The following THRB variants were observed in gnomAD, a reference collection of about 807,000 sequenced individuals.
THRB encodes the protein thyroid hormone receptor beta.
A neutral mutation model predicts 47.8 loss-of-function variants in THRB; 12 were observed. The observed-to-expected ratio is 0.25, with a 90% CI of 0.16 to 0.41. The LOEUF is 0.41. THRB is among the 10% of genes least tolerant of loss of function. The probability of loss-of-function intolerance (pLI) is 1.00; values close to 1 mark genes in which losing one functional copy is unlikely to be tolerated. For synonymous variants in THRB, 218 were observed against 212.2 expected (o/e 1.03, Z -0.24); for missense variants, 348 against 589.2 (o/e 0.59, Z 4.24).
chr3:24,492,243 T>A (rs1394204120), intron 1 of THRB, among the ~76,000 whole-genome samples: 1 of 152,148 alleles, frequency 6.6e-6, no homozygotes. Flanking sequence ...AGTGAGGCAG[T>A]CAAGAGTCCT....
intron 5 of THRB, among the ~76,000 whole-genome samples, chr3:24,178,358 T>C (rs1328760326): frequency 2.6e-5 from 4 of 152,160 alleles, no homozygotes; most frequent in African/African-American, 9.7e-5. Flanking sequence ...CTGGGTGCGG[T>C]GGCTCATGCC....
rs1278469054 is a variant in THRB at position 24,143,611 on chromosome 3, GC to G, written c.627del (p.His210ThrfsTer46). 1 of 1,614,064 alleles carries G rather than the reference GC, an allele frequency of 6.2e-7. No individual in the cohort carries two copies. The highest frequency in any genetic ancestry group is 1.3e-5 in the African/African-American group (1 of 74,924). On this transcript the variant is annotated frameshift_variant, in exon 8 of 11. Transcript: ENST00000646209. LOFTEE classifies it high-confidence loss of function. ...TCCTCGTCTGTGGGCTCTGGCTTGT[GC>G]CCGATGGACTTCTGCAGCTCTTCCC... Reference protein sequence around the residue: ...RRREELQKSIGHKPEPTDEEW... With the variant: ...RRREELQKSIXHKPEPTDEEW...
At chr3:24,188,984 G>A (rs2042997664) in intron 5 of THRB, among the ~76,000 whole-genome samples, 1 of 150,270 alleles carries the variant, frequency 6.7e-6, no homozygotes, top group African/African-American at 2.5e-5. Context: ...TATTACTTTT[G>A]AATAACTCTA....
intron 3 of THRB, among the ~76,000 whole-genome samples, chr3:24,259,222 G>T (rs1283979126): frequency 6.6e-6 from 1 of 152,124 alleles, no homozygotes; most frequent in Non-Finnish European, 1.5e-5. Context: ...AAGACAAGCT[G>T]GCCAAGTTGA....
intron 1 of THRB, among the ~76,000 whole-genome samples, chr3:24,381,855 G>T (rs2065739145): frequency 6.6e-6 from 1 of 151,886 alleles, no homozygotes; most frequent in South Asian, 2.1e-4. Flanking sequence ...TAAAAGTCAA[G>T]TATGATTTAC....
intron 4 of THRB, among the ~76,000 whole-genome samples, chr3:24,203,831 C>T (rs1575835579): frequency 6.6e-6 from 1 of 152,346 alleles, no homozygotes; most frequent in East Asian, 1.9e-4. Flanking sequence ...TTCCAATGGC[C>T]TTAGCAAACG....
At chr3:24,487,505 G>A (rs752469357) in intron 1 of THRB, among the ~76,000 whole-genome samples, 1 of 152,080 alleles carries the variant, frequency 6.6e-6, no homozygotes, top group Non-Finnish European at 1.5e-5. Context: ...ACATAATTGA[G>A]CCTAGAGTAA....
chr3:24,228,474 A>G (rs923864449), intron 4 of THRB, among the ~76,000 whole-genome samples: 2 of 152,068 alleles, frequency 1.3e-5, no homozygotes, highest in Admixed American at 1.3e-4. Flanking sequence ...AATGACTGTA[A>G]GAAGTAAACA....
chr3:24,370,560 G>C (rs1463079528), intron 1 of THRB, among the ~76,000 whole-genome samples: 1 of 152,114 alleles, frequency 6.6e-6, no homozygotes, highest in Non-Finnish European at 1.5e-5. Context: ...ATCATCTATG[G>C]AGTGACTTCC....
chr3:24,312,763 G>C (rs2057841570), intron 2 of THRB, among the ~76,000 whole-genome samples: 1 of 152,180 alleles, frequency 6.6e-6, no homozygotes, highest in African/African-American at 2.4e-5. Context: ...ATCACACAGG[G>C]CCTGGTAGGC....
At chr3:24,482,818 C>T (rs1696685492) in intron 1 of THRB, among the ~76,000 whole-genome samples, 1 of 152,142 alleles carries the variant, frequency 6.6e-6, no homozygotes, top group Non-Finnish European at 1.5e-5. Context: ...TAATAGTTGG[C>T]TAGATTCTGT....
chr3:24,346,784 A>C (rs1253189739), intron 1 of THRB, among the ~76,000 whole-genome samples: 6 of 152,046 alleles, frequency 3.9e-5, no homozygotes, highest in Non-Finnish European at 8.8e-5. Flanking sequence ...TAAAGCCAAC[A>C]TTGCTAGAAC....
intron 3 of THRB, among the ~76,000 whole-genome samples, chr3:24,272,454 A>T (rs1019131696): frequency 1.3e-5 from 2 of 152,142 alleles, no homozygotes; most frequent in Non-Finnish European, 2.9e-5. Context: ...ATTTCCCTAT[A>T]TACCATGTTT....
chr3:24,257,163 T>C (rs900924687), intron 3 of THRB, among the ~76,000 whole-genome samples: 1 of 152,208 alleles, frequency 6.6e-6, no homozygotes, highest in Admixed American at 6.5e-5. Context: ...ATTCACGATG[T>C]CCTCAATATT....
intron 3 of THRB, among the ~76,000 whole-genome samples, chr3:24,259,623 T>TTTC (rs2051728432): frequency 6.9e-6 from 1 of 145,344 alleles, no homozygotes. Flanking sequence ...TGCTTACCTT[T>TTTC]TTTTTTTTTT....
At chr3:24,165,519 C>T (rs938709158) in intron 5 of THRB, 1 of 579,676 alleles carries the variant, frequency 1.7e-6, no homozygotes, top group Non-Finnish European at 3.1e-6. Flanking sequence ...ACACAGCAAC[C>T]CAGCCTGCTT....
At chr3:24,470,208 A>G (rs2074458380) in intron 1 of THRB, among the ~76,000 whole-genome samples, 1 of 152,220 alleles carries the variant, frequency 6.6e-6, no homozygotes, top group Non-Finnish European at 1.5e-5. Flanking sequence ...CACATTACGA[A>G]TACTCTCTTT....
chr3:24,273,902 A>G (rs1442650580), intron 3 of THRB, among the ~76,000 whole-genome samples: 1 of 151,996 alleles, frequency 6.6e-6, no homozygotes. Flanking sequence ...TCTACCAACC[A>G]TATTTTCTCA....
intron 5 of THRB, among the ~76,000 whole-genome samples, chr3:24,156,292 G>T (rs557836997): frequency 1.3e-5 from 2 of 152,204 alleles, no homozygotes; most frequent in South Asian, 2.1e-4. Context: ...AGATCAGAAG[G>T]CTGGCTAGTT....
Sources: gnomAD v4.1 joint callset for allele counts (sites outside exome capture counted in the v4.1 genomes callset) on GRCh38, gnomAD v4.1.1 for gene constraint, MANE v1.5 for transcripts, NCBI Gene and HGNC (gene_info 2026-07-23, HGNC 2026-07-21) for gene names.